Variants in LRRC69 observed in about 807,000 individuals in gnomAD.
LRRC69 encodes leucine rich repeat containing 69.
A neutral mutation model predicts 37.8 loss-of-function variants in LRRC69; 42 were observed. The observed-to-expected ratio is 1.11, with a 90% CI of 0.87 to 1.44. LRRC69 has a LOEUF of 1.44. Among genes scored for constraint, LRRC69 ranks in the 40% most tolerant of loss-of-function variants. The pLI is 0.00. For synonymous variants in LRRC69, 141 were observed against 143.1 expected, an observed-to-expected ratio of 0.99 and a Z score of 0.11; for missense variants, 357 against 401.9, an observed-to-expected ratio of 0.89 and a Z score of 0.96.
At chr8:91,202,988 T>C (rs1294349210) in intron 7 of LRRC69, among the ~76,000 whole-genome samples, 1 of 152,186 alleles carries the variant, frequency 6.6e-6, no homozygotes, top group Non-Finnish European at 1.5e-5. Context: ...CAGGTTTTTT[T>C]GGCCTACAGA....
chr8:91,216,250 G>A (rs933660079), intron 7 of LRRC69, among the ~76,000 whole-genome samples: 13 of 152,124 alleles, frequency 8.5e-5, no homozygotes, highest in African/African-American at 3.1e-4. Context: ...GAAGGGGAAA[G>A]AGGGACACAG....
At chr8:91,165,460 T>C (rs866361338) in intron 5 of LRRC69, among the ~76,000 whole-genome samples, 14 of 151,792 alleles carry the variant, frequency 9.2e-5, no homozygotes, top group African/African-American at 3.4e-4. Context: ...TTTTTGTTAC[T>C]GTAGTTGCTT....
intron 5 of LRRC69, among the ~76,000 whole-genome samples, chr8:91,188,835 G>GTTT (rs575348391): frequency 7.2e-6 from 1 of 139,224 alleles, no homozygotes; most frequent in Non-Finnish European, 1.6e-5. Flanking sequence ...TCCGTCTTCT[G>GTTT]TTTTTTTTTT....
intron 2 of LRRC69, among the ~76,000 whole-genome samples, chr8:91,125,570 T>G (rs1586232054): frequency 6.6e-6 from 1 of 151,958 alleles, no homozygotes; most frequent in East Asian, 1.9e-4. Context: ...CAATTTACCT[T>G]GGAAGAAAAC....
rs927419776 is a variant in LRRC69 at position 91,164,274 on chromosome 8, T to C, written c.652-25248T>C. Among the ~76,000 whole-genome samples, 3 of 150,764 alleles carry C rather than the reference T, an allele frequency of 2.0e-5. No individual in the cohort carries two copies. The Admixed American group carries it at 2.0e-4, about 10-fold the overall frequency. ...AAATATGGAAGGTTCTAGAATATAA[T>C]GAGGGTTAAAAACTAACTTCTCTGT... On this transcript the variant is annotated intron_variant, in intron 5 of 7. Transcript: ENST00000448384.
At chr8:91,218,855 C>A in intron 7 of LRRC69, 35 bp from the exon 8 acceptor site, 1 of 1,322,582 alleles carries the variant, frequency 7.6e-7, no homozygotes, top group Non-Finnish European at 1.1e-6. Flanking sequence ...TTATTGAACA[C>A]TGCCTAAATT....
intron 1 of LRRC69, among the ~76,000 whole-genome samples, chr8:91,111,523 G>C (rs897521137): frequency 6.6e-6 from 1 of 151,940 alleles, no homozygotes; most frequent in Non-Finnish European, 1.5e-5. Context: ...GACAAAGTGA[G>C]ACTCCATCTC....
chr8:91,150,358 A>T (rs1198902223), intron 5 of LRRC69, among the ~76,000 whole-genome samples: 2 of 151,770 alleles, frequency 1.3e-5, no homozygotes, highest in Non-Finnish European at 2.9e-5. Flanking sequence ...GGTTTTTGTC[A>T]TTGGTTCTGT....
At chr8:91,215,156 T>A (rs144168099) in intron 7 of LRRC69, among the ~76,000 whole-genome samples, 1 of 152,242 alleles carries the variant, frequency 6.6e-6, no homozygotes, top group East Asian at 1.9e-4. Context: ...ACTTGCAATG[T>A]CCCTTTTGCT....
At chr8:91,215,977 A>G (rs1810038900) in intron 7 of LRRC69, among the ~76,000 whole-genome samples, 1 of 152,226 alleles carries the variant, frequency 6.6e-6, no homozygotes, top group African/African-American at 2.4e-5. Flanking sequence ...ATGTTATGCA[A>G]ACATTACTAG....
intron 5 of LRRC69, among the ~76,000 whole-genome samples, chr8:91,146,354 C>G (rs527710012): frequency 1.3e-5 from 2 of 151,906 alleles, no homozygotes; most frequent in South Asian, 4.1e-4. Context: ...AGTCAGAGAG[C>G]TGGAACTTCT....
intron 6 of LRRC69, among the ~76,000 whole-genome samples, chr8:91,193,003 C>G (rs1809528342): frequency 6.6e-6 from 1 of 151,878 alleles, no homozygotes; most frequent in African/African-American, 2.4e-5. Context: ...AGTCTTTAAT[C>G]CATCTTGAAT....
intron 5 of LRRC69, among the ~76,000 whole-genome samples, chr8:91,185,465 T>C (rs1175517362): frequency 1.3e-5 from 2 of 152,170 alleles, no homozygotes; most frequent in Admixed American, 6.5e-5. Context: ...AAGGATCTTC[T>C]CTTGGGAGAA....
intron 5 of LRRC69, among the ~76,000 whole-genome samples, chr8:91,143,409 A>T (rs1374841412): frequency 6.6e-6 from 1 of 152,096 alleles, no homozygotes; most frequent in Non-Finnish European, 1.5e-5. Flanking sequence ...GCTTAAAAAG[A>T]TGTAAATTAT....
intron 5 of LRRC69, among the ~76,000 whole-genome samples, chr8:91,177,852 T>TTTC (rs1554594686): frequency 1.4e-5 from 2 of 147,004 alleles, no homozygotes; most frequent in African/African-American, 2.5e-5. Context: ...CTGCTTTTCT[T>TTTC]TTTTTTTTTT....
At chr8:91,118,876 G>A (rs1813565809) in intron 1 of LRRC69, among the ~76,000 whole-genome samples, 2 of 152,018 alleles carry the variant, frequency 1.3e-5, no homozygotes, top group African/African-American at 4.8e-5. Flanking sequence ...AACACCATTT[G>A]AAACAATGTT....
chr8:91,127,315 G>A (rs1238031189), intron 3 of LRRC69, among the ~76,000 whole-genome samples, 155 bp downstream of exon 3: 7 of 151,922 alleles, frequency 4.6e-5, no homozygotes, highest in Admixed American at 2.6e-4. Context: ...CTAATTTTAA[G>A]CAGATGATTC....
chr8:91,192,004 C>T (rs1159291459), intron 6 of LRRC69, among the ~76,000 whole-genome samples: 1 of 115,642 alleles, frequency 8.6e-6, no homozygotes. Flanking sequence ...CCTCCCCCCA[C>T]CCCACAACAG....
chr8:91,138,018 TCAAA>T (rs1254110314), intron 5 of LRRC69, among the ~76,000 whole-genome samples: 2 of 152,104 alleles, frequency 1.3e-5, no homozygotes, highest in South Asian at 2.1e-4. Context: ...ATTCGTAATC[TCAAA>T]CAAGTTGCTT....
Sources: allele counts gnomAD v4.1 joint callset (sites outside exome capture counted in the v4.1 genomes callset), GRCh38; gene constraint gnomAD v4.1.1; transcripts MANE v1.5; gene names NCBI Gene and HGNC (gene_info 2026-07-23, HGNC 2026-07-21).